Variants in PDE1A observed in about 807,000 individuals in gnomAD.
PDE1A encodes phosphodiesterase 1A.
PDE1A carries 35 observed loss-of-function variants against 61.7 expected under a neutral mutation model. The ratio of observed to expected loss-of-function variants is 0.57; its 90% CI spans 0.43 to 0.75. The LOEUF (loss-of-function observed/expected upper bound fraction) is 0.75, where lower values mean the gene tolerates loss of function less well. Among genes scored for constraint, PDE1A ranks in the 30% least tolerant of loss-of-function variants. The probability of loss-of-function intolerance (pLI) is 0.00; values close to 1 mark genes in which losing one functional copy is unlikely to be tolerated. For synonymous variants in PDE1A, 232 were observed against 213.2 expected, an observed-to-expected ratio of 1.09 and a Z score of -0.77; for missense variants, 597 against 630.6, an observed-to-expected ratio of 0.95 and a Z score of 0.57.
chr2:182,604,229 C>A, the PDE1A span, among the ~76,000 whole-genome samples: 298 of 152,202 alleles, frequency 2.0e-3, no homozygotes, highest in Non-Finnish European at 3.5e-3. Flanking sequence ...TGTCTGTGCA[C>A]TAAAATAGAT....
chr2:182,603,000 TACATACATAC>T, the PDE1A span, among the ~76,000 whole-genome samples: 1 of 144,934 alleles, frequency 6.9e-6, no homozygotes, highest in Non-Finnish European at 1.5e-5. Flanking sequence ...CACACATACA[TACATACATAC>T]ATACATACAT....
At chr2:182,572,299 C>T in the PDE1A span, among the ~76,000 whole-genome samples, 2 of 152,142 alleles carry the variant, frequency 1.3e-5, no homozygotes, top group African/African-American at 4.8e-5. Flanking sequence ...ATACAATAAT[C>T]TCTCCTCTTC....
chr2:182,357,193 AG>A (rs1359733353), intron 1 of PDE1A, among the ~76,000 whole-genome samples: 22 of 152,124 alleles, frequency 1.4e-4, no homozygotes, highest in African/African-American at 5.3e-4. Flanking sequence ...AAAAATTAAA[AG>A]AAAAAAGAAA....
At chr2:182,508,267 G>A (rs1452430225) in intron 2 of PDE1A, among the ~76,000 whole-genome samples, 3 of 151,516 alleles carry the variant, frequency 2.0e-5, no homozygotes, top group South Asian at 4.2e-4. Context: ...ACAACAAATC[G>A]ATAGCTAACA....
the PDE1A span, among the ~76,000 whole-genome samples, chr2:182,618,660 A>G: frequency 6.6e-6 from 1 of 152,170 alleles, no homozygotes; most frequent in Admixed American, 6.6e-5. Flanking sequence ...TACTGCTTTA[A>G]AAGATGGCAT....
intron 1 of PDE1A, among the ~76,000 whole-genome samples, chr2:182,303,624 C>T (rs1695386565): frequency 6.6e-6 from 1 of 152,128 alleles, no homozygotes; most frequent in Non-Finnish European, 1.5e-5. Flanking sequence ...TGCATTAGCC[C>T]CTAATAGTAG....
the PDE1A span, among the ~76,000 whole-genome samples, chr2:182,696,963 G>T: frequency 6.6e-6 from 1 of 152,084 alleles, no homozygotes; most frequent in Non-Finnish European, 1.5e-5. Context: ...TCTAAGCATT[G>T]ATTTTTATCT....
downstream of PDE1A, among the ~76,000 whole-genome samples, chr2:182,163,022 C>A (rs1691470718): frequency 1.3e-5 from 2 of 152,098 alleles, no homozygotes; most frequent in Non-Finnish European, 2.9e-5. Flanking sequence ...GAAGGGTTTG[C>A]AGAGACTAGT....
At chr2:182,425,715 A>C (rs1363114634) in intron 1 of PDE1A, among the ~76,000 whole-genome samples, 2 of 152,224 alleles carry the variant, frequency 1.3e-5, no homozygotes, top group Non-Finnish European at 2.9e-5. Context: ...CCAGACAAAA[A>C]CCAGTGGTTG....
intron 1 of PDE1A, among the ~76,000 whole-genome samples, chr2:182,271,499 T>A (rs568523303): frequency 1.9e-4 from 29 of 152,226 alleles, no homozygotes; most frequent in African/African-American, 7.0e-4. Flanking sequence ...AGGTATTAAC[T>A]TTTTCTACAA....
chr2:182,252,879 T>A (rs1170594345), intron 2 of PDE1A, among the ~76,000 whole-genome samples: 2 of 152,030 alleles, frequency 1.3e-5, no homozygotes, highest in African/African-American at 2.4e-5. Flanking sequence ...ATAAAAGAGA[T>A]GGAGAGTAGA....
chr2:182,637,705 T>C, the PDE1A span, among the ~76,000 whole-genome samples: 1 of 152,092 alleles, frequency 6.6e-6, no homozygotes, highest in Admixed American at 6.6e-5. Flanking sequence ...GCGGATCACT[T>C]GAGACCAAGA....
At position 182,455,886 on chromosome 2, in the gene PDE1A, C is replaced by A. The variant is rs1440056136; in HGVS notation, c.101+66390G>T. ...CAAACCTGCACATTGTGCACATGTA[C>A]CCTAAAACTTAAAGTATAATAATAA... On this transcript the variant is annotated intron_variant, in intron 2 of 14. Transcript: ENST00000410103. 2.7e-5 allele frequency among the ~76,000 whole-genome samples: 4 copies of A among 150,342 alleles called. 1 individual carries two copies. The highest frequency in any genetic ancestry group is 9.8e-5 in the African/African-American group (4 of 40,654).
the PDE1A span, among the ~76,000 whole-genome samples, chr2:182,644,128 T>TACACACACACACACACACACACAC: frequency 2.4e-4 from 31 of 129,522 alleles, no homozygotes; most frequent in Admixed American, 3.9e-4. Context: ...AATCAATGAT[T>TACACACACACACACACACACACAC]ACACACACAC....
intron 2 of PDE1A, among the ~76,000 whole-genome samples, chr2:182,504,131 T>C (rs1689257873): frequency 6.6e-6 from 1 of 152,214 alleles, no homozygotes; most frequent in Non-Finnish European, 1.5e-5. Flanking sequence ...TATACATTAG[T>C]GTTTACTGCT....
chr2:182,141,403 A>G (rs776264927), exon 15 of PDE1A: 39 of 152,214 alleles, frequency 2.6e-4, no homozygotes, highest in Non-Finnish European at 2.8e-4. Context: ...TGTTTTCCCC[A>G]GCACATTATT....
downstream of PDE1A, among the ~76,000 whole-genome samples, chr2:182,165,861 T>G (rs1353881107): frequency 6.6e-6 from 1 of 152,210 alleles, no homozygotes; most frequent in Non-Finnish European, 1.5e-5. Context: ...CTCTTTTTCC[T>G]TTATCATGTA....
chr2:182,218,960 A>G (rs1396666528), intron 7 of PDE1A, among the ~76,000 whole-genome samples: 1 of 152,152 alleles, frequency 6.6e-6, no homozygotes, highest in Admixed American at 6.5e-5. Context: ...CGTCTTATTC[A>G]GTCAGTGAAT....
At chr2:182,535,871 C>T in the PDE1A span, among the ~76,000 whole-genome samples, 1 of 152,146 alleles carries the variant, frequency 6.6e-6, no homozygotes, top group South Asian at 2.1e-4. Flanking sequence ...TTTAAATGAA[C>T]ATTTCTTGGC....
Sources: gnomAD v4.1 joint callset for allele counts (sites outside exome capture counted in the v4.1 genomes callset) on GRCh38, gnomAD v4.1.1 for gene constraint, MANE v1.5 for transcripts, NCBI Gene and HGNC (gene_info 2026-07-23, HGNC 2026-07-21) for gene names.